Variants in SDC2 observed in about 807,000 individuals in gnomAD.
SDC2 encodes syndecan 2.
SDC2 carries 13 observed loss-of-function variants against 22.2 expected under a neutral mutation model. The observed-to-expected ratio is 0.59, with a 90% confidence interval of 0.38 to 0.93. The LOEUF (loss-of-function observed/expected upper bound fraction) is 0.93, where lower values mean the gene tolerates loss of function less well. Among genes scored for constraint, SDC2 ranks in the 40% least tolerant of loss-of-function variants. The pLI is 0.00. For synonymous variants in SDC2, 94 were observed against 92.8 expected (o/e 1.01, Z -0.07); for missense variants, 235 against 246.8 (o/e 0.95, Z 0.32).
At chr8:96,572,526 G>A (rs1386555252) in intron 1 of SDC2, among the ~76,000 whole-genome samples, 1 of 152,060 alleles carries the variant, frequency 6.6e-6, no homozygotes, top group Non-Finnish European at 1.5e-5. Context: ...AGTTGACTGG[G>A]TACTTTGTGC....
At chr8:96,516,537 C>T (rs1025248694) in intron 1 of SDC2, among the ~76,000 whole-genome samples, 1 of 151,410 alleles carries the variant, frequency 6.6e-6, no homozygotes, top group African/African-American at 2.4e-5. Flanking sequence ...ATTTTAATCA[C>T]CCCCCCACCT....
At chr8:96,539,550 G>C (rs2582831) in intron 1 of SDC2, among the ~76,000 whole-genome samples, 87,256 of 152,082 alleles carry the variant, frequency 0.57, 26,674 homozygotes, top group Non-Finnish European at 0.7. Flanking sequence ...ATCTCTAAAT[G>C]AGCGTGTTAA....
intron 1 of SDC2, among the ~76,000 whole-genome samples, chr8:96,499,368 G>A (rs1195278653): frequency 6.6e-6 from 1 of 152,154 alleles, no homozygotes; most frequent in Non-Finnish European, 1.5e-5. Context: ...GGGAGTGTGG[G>A]GGAAACTGTA....
At chr8:96,563,837 C>G (rs751623422) in intron 1 of SDC2, among the ~76,000 whole-genome samples, 8 of 152,146 alleles carry the variant, frequency 5.3e-5, no homozygotes, top group Non-Finnish European at 8.8e-5. Context: ...CTGACAGGCC[C>G]TTTGTCCATA....
At position 96,589,877 on chromosome 8, in the gene SDC2, C is replaced by T. The variant is rs552817716; in HGVS notation, c.61-3603C>T. ...AGGAGGCCTTAGTCCAGGTCCAGGC[C>T]CAACATGATGAGTTAGCCAGAGCCG... On this transcript the variant is annotated intron_variant, in intron 1 of 4. Coordinates refer to ENST00000302190, the MANE Select transcript of SDC2 (RefSeq NM_002998.4). Among the ~76,000 whole-genome samples, 43 of 152,252 alleles carry T rather than the reference C, an allele frequency of 2.8e-4. No homozygotes were observed. In the South Asian group the frequency reaches 8.7e-3, roughly 31 times the overall value.
At chr8:96,579,458 C>T (rs1814556238) in intron 1 of SDC2, among the ~76,000 whole-genome samples, 1 of 152,206 alleles carries the variant, frequency 6.6e-6, no homozygotes, top group Admixed American at 6.5e-5. Context: ...AATATATCTA[C>T]CATAATTCCT....
chr8:96,517,052 T>C (rs1347753648), intron 1 of SDC2, among the ~76,000 whole-genome samples: 2 of 152,230 alleles, frequency 1.3e-5, no homozygotes, highest in Non-Finnish European at 2.9e-5. Context: ...CCATTTTACA[T>C]TCCCACCAGC....
At chr8:96,548,351 T>G (rs1237644588) in intron 1 of SDC2, among the ~76,000 whole-genome samples, 1 of 152,174 alleles carries the variant, frequency 6.6e-6, no homozygotes, top group African/African-American at 2.4e-5. Context: ...AATTCAAAAC[T>G]TCTTGAGCAC....
chr8:96,556,037 C>CACACACACACACACACAT (rs1814104617), intron 1 of SDC2, among the ~76,000 whole-genome samples: 1 of 91,516 alleles, frequency 1.1e-5, no homozygotes, highest in Non-Finnish European at 2.5e-5. Context: ...TAGAATATCA[C>CACACACACACACACACAT]ACACACACAC....
chr8:96,537,196 G>A (rs1041303090), intron 1 of SDC2: 3 of 152,164 alleles, frequency 2.0e-5, no homozygotes, highest in Non-Finnish European at 4.4e-5. Flanking sequence ...AGATTGTACT[G>A]TGACAATAAG....
At chr8:96,569,209 A>G (rs1223694366) in intron 1 of SDC2, among the ~76,000 whole-genome samples, 1 of 152,174 alleles carries the variant, frequency 6.6e-6, no homozygotes, top group Non-Finnish European at 1.5e-5. Context: ...GGGTCTCACT[A>G]CGTTGCTCAG....
At chr8:96,583,059 AT>A (rs60193555) in intron 1 of SDC2, among the ~76,000 whole-genome samples, 3,683 of 107,186 alleles carry the variant, frequency 0.034, 119 homozygotes, top group African/African-American at 0.085. Flanking sequence ...CTGAAGTGTG[AT>A]TTTTTTTTTT....
At position 96,608,383 on chromosome 8, in the gene SDC2, A is replaced by G. The variant is rs765468408; in HGVS notation, c.355A>G (p.Arg119Gly). The G allele has an allele frequency of 2.5e-6, 4 of 1,614,048 alleles. 1 individual carries two copies. The South Asian group carries it at 4.4e-5, about 18-fold the overall frequency. ...GAAAGTTCACCTCTCTGACTCAGAAAGGAAAATGGACCCAGCCGAAGAGGA... is the reference window on the plus strand; with the variant it reads ...GAAAGTTCACCTCTCTGACTCAGAAGGGAAAATGGACCCAGCCGAAGAGGA... ...KEKVHLSDSE[R>G]KMDPAEEDTN... Residue 119 changes from arginine (R) to glycine (G), a missense_variant, in exon 4 of 5, where the codon AGG (arginine) becomes GGG (glycine). By Grantham distance (125) the Arg-to-Gly change is moderately radical (BLOSUM62 -2). Coordinates refer to ENST00000302190, the MANE Select transcript of SDC2 (RefSeq NM_002998.4).
intron 1 of SDC2, among the ~76,000 whole-genome samples, chr8:96,577,299 C>T (rs1814521323): frequency 6.6e-6 from 1 of 152,184 alleles, no homozygotes; most frequent in Non-Finnish European, 1.5e-5. Context: ...AGAACCATCT[C>T]TTGTGTGATT....
chr8:96,532,785 GTCTTCTAGGTTGGAGTCA>G (rs1813687221), intron 1 of SDC2, among the ~76,000 whole-genome samples: 1 of 152,164 alleles, frequency 6.6e-6, no homozygotes, highest in Non-Finnish European at 1.5e-5. Context: ...TCTCTGATGG[GTCTTCTAGGTTGGAGTCA>G]TCTTCTAGAG....
intron 1 of SDC2, among the ~76,000 whole-genome samples, chr8:96,538,129 ATTT>A (rs1402287173): frequency 1.3e-5 from 2 of 152,010 alleles, no homozygotes; most frequent in African/African-American, 4.8e-5. Flanking sequence ...CGCCCGGCTA[ATTT>A]TTTATTTTTA....
chr8:96,591,323 A>G (rs1024907485), intron 1 of SDC2, among the ~76,000 whole-genome samples: 2 of 152,306 alleles, frequency 1.3e-5, no homozygotes, highest in Admixed American at 1.3e-4. Context: ...AATAGATGCA[A>G]TGCAAGCTAT....
chr8:96,539,658 T>G (rs1395822231), intron 1 of SDC2, among the ~76,000 whole-genome samples: 1 of 152,266 alleles, frequency 6.6e-6, no homozygotes, highest in Non-Finnish European at 1.5e-5. Flanking sequence ...AGTCTGATTT[T>G]ATAACCTCTT....
intron 1 of SDC2, among the ~76,000 whole-genome samples, chr8:96,562,157 G>A (rs1019690575): frequency 3.9e-5 from 6 of 152,142 alleles, no homozygotes; most frequent in Admixed American, 3.3e-4. Flanking sequence ...TCCATTTTGA[G>A]TTAATTTTTG....
Sources: allele counts gnomAD v4.1 joint callset (sites outside exome capture counted in the v4.1 genomes callset), GRCh38; gene constraint gnomAD v4.1.1; transcripts MANE v1.5; gene names NCBI Gene and HGNC (gene_info 2026-07-23, HGNC 2026-07-21).